TMCO5A: variants seen among roughly 807,000 people sequenced by gnomAD.
TMCO5A encodes transmembrane and coiled-coil domains 5A.
A neutral mutation model predicts 42.3 loss-of-function variants in TMCO5A; 34 were observed. That is an observed-to-expected ratio of 0.80 (90% CI 0.61 to 1.07). The LOEUF is 1.07. Among genes scored for constraint, TMCO5A ranks in the 50% least tolerant of loss-of-function variants. The probability of loss-of-function intolerance (pLI) is 0.00; values close to 1 mark genes in which losing one functional copy is unlikely to be tolerated. For synonymous variants in TMCO5A, 131 were observed against 115.6 expected (o/e 1.13, Z -0.86); for missense variants, 357 against 327.9 (o/e 1.09, Z -0.69).
Position 37,951,235 on chromosome 15 carries a change from T to G in TMCO5A, c.*1T>G. ...GACAGAGGACATGTTACCCCACTGA[T>G]TCCCTAAGAAATATCCTTGAGCAAT... On this transcript the variant is annotated 3_prime_UTR_variant, in exon 12 of 12. Transcript: ENST00000319669. The G allele has an allele frequency of 6.2e-7, 1 of 1,613,264 alleles. No individual in the cohort carries two copies. Among genetic ancestry groups the G allele is most frequent in the Non-Finnish European group, 8.5e-7 (1 of 1,179,570 alleles).
Position 37,942,254 on chromosome 15 carries a change from G to A in TMCO5A, c.568G>A (p.Val190Ile). ...ELEALFLEREVSKLVSMNPVE... is the reference protein window; with the variant it reads ...ELEALFLEREISKLVSMNPVE... ...AGAGGCTCTGTTCCTTGAGAGAGAA[G>A]TGTGAGCTTTGGCAAAGGAACATCC... Residue 190 changes from valine (V) to isoleucine (I), a missense_variant and splice_region_variant, in exon 9 of 12, where the codon GTA (valine) becomes ATA (isoleucine). By Grantham distance (29) the Val-to-Ile change is conservative (BLOSUM62 3). Transcript: ENST00000319669. 6.2e-7 allele frequency: 1 copy of A among 1,612,584 alleles called. No homozygotes were observed. The highest frequency in any genetic ancestry group is 8.5e-7 in the Non-Finnish European group (1 of 1,179,066).
At chr15:37,998,857 T>C in the TMCO5A span, among the ~76,000 whole-genome samples, 1 of 152,198 alleles carries the variant, frequency 6.6e-6, no homozygotes, top group Non-Finnish European at 1.5e-5. Flanking sequence ...TTTTGTTGTG[T>C]CCTCTTCAAT....
intron 6 of TMCO5A, among the ~76,000 whole-genome samples, chr15:37,939,123 G>A (rs1889639674): frequency 6.6e-6 from 1 of 151,908 alleles, no homozygotes; most frequent in Admixed American, 6.6e-5. Flanking sequence ...TGATTTTTTT[G>A]ACACCTTCTC....
the TMCO5A span, among the ~76,000 whole-genome samples, chr15:38,011,264 A>G: frequency 8.5e-5 from 13 of 152,258 alleles, no homozygotes; most frequent in East Asian, 2.3e-3. Context: ...GTGCTGCATA[A>G]TAGTAGACTG....
chr15:37,968,784 C>T (rs1465934238), downstream of TMCO5A, among the ~76,000 whole-genome samples: 4 of 151,872 alleles, frequency 2.6e-5, no homozygotes, highest in Non-Finnish European at 4.4e-5. Flanking sequence ...GGTTTCACCA[C>T]ATTGGCCAGG....
chr15:38,010,209 T>TAAA, the TMCO5A span, among the ~76,000 whole-genome samples: 3 of 149,908 alleles, frequency 2.0e-5, no homozygotes, highest in Non-Finnish European at 4.4e-5. Context: ...CCGTCTCTAC[T>TAAA]AAAAAAAATA....
chr15:37,967,133 T>G (rs1413688422), exon 12 of TMCO5A: 2 of 156,226 alleles, frequency 1.3e-5, no homozygotes, highest in Admixed American at 1.3e-4. Context: ...AGGGCTAAAG[T>G]AAGCAACAAT....
chr15:37,937,327 T>A lies in TMCO5A; in HGVS notation c.265-19T>A, dbSNP rs1889552392. 1 of 1,612,814 alleles carries A rather than the reference T, an allele frequency of 6.2e-7. No homozygotes were observed. On this transcript the variant is annotated intron_variant, in intron 4 of 11. Coordinates refer to ENST00000319669, the MANE Select transcript of TMCO5A (RefSeq NM_152453.4). ...ATGGAGTACAGAGGCAGATTTACAC[T>A]GTTATTTCTCTCTCACAGGAAAGGA...
At chr15:37,943,210 A>G in intron 9 of TMCO5A, 131 bp from the exon 10 acceptor site, 1 of 709,734 alleles carries the variant, frequency 1.4e-6, no homozygotes, top group Non-Finnish European at 2.2e-6. Context: ...TTAAATAGCT[A>G]TAGGTAGACA....
chr15:38,012,352 C>G, the TMCO5A span, among the ~76,000 whole-genome samples: 1 of 152,138 alleles, frequency 6.6e-6, no homozygotes, highest in African/African-American at 2.4e-5. Flanking sequence ...GTTTGACATT[C>G]ACACCACTCA....
At chr15:38,021,836 AGTCTCACCCT>A in the TMCO5A span, among the ~76,000 whole-genome samples, 13 of 141,482 alleles carry the variant, frequency 9.2e-5, no homozygotes, top group African/African-American at 3.4e-4. Context: ...TTTGAGATGG[AGTCTCACCCT>A]GTCACCAGGC....
downstream of TMCO5A, chr15:37,967,804 G>A (rs954547433): frequency 6.6e-6 from 1 of 152,180 alleles, no homozygotes; most frequent in Non-Finnish European, 1.5e-5. Context: ...TAGCTCTCAA[G>A]TCCAAGGGCA....
At chr15:37,977,275 AG>A in the TMCO5A span, among the ~76,000 whole-genome samples, 2 of 152,020 alleles carry the variant, frequency 1.3e-5, no homozygotes, top group Admixed American at 6.5e-5. Flanking sequence ...AGTTGTTTGG[AG>A]GTAAGAAGAC....
chr15:37,988,721 C>A, the TMCO5A span, among the ~76,000 whole-genome samples: 1 of 151,906 alleles, frequency 6.6e-6, no homozygotes, highest in African/African-American at 2.4e-5. Context: ...TGTATAATCT[C>A]TTTAATATGC....
the TMCO5A span, chr15:37,993,579 A>G: frequency 1.3e-5 from 2 of 152,266 alleles, no homozygotes; most frequent in East Asian, 1.9e-4. Context: ...CCAGATTACA[A>G]TGAAGGGATA....
chr15:37,986,768 T>G, the TMCO5A span, among the ~76,000 whole-genome samples: 1 of 152,042 alleles, frequency 6.6e-6, no homozygotes, highest in Admixed American at 6.6e-5. Context: ...TGTTGCAGCA[T>G]ACAAGATTCC....
chr15:37,984,675 ATT>A, the TMCO5A span: 1 of 101,234 alleles, frequency 9.9e-6, no homozygotes, highest in Non-Finnish European at 2.0e-5. Context: ...TGCAGAGAAC[ATT>A]TGTCTTTTTT....
the TMCO5A span, among the ~76,000 whole-genome samples, chr15:37,975,450 C>A: frequency 6.9e-6 from 1 of 145,002 alleles, no homozygotes; most frequent in African/African-American, 2.9e-5. Context: ...TTAGAAGAGT[C>A]AGATCTTCTT....
At chr15:37,974,140 A>C in the TMCO5A span, among the ~76,000 whole-genome samples, 24 of 151,916 alleles carry the variant, frequency 1.6e-4, no homozygotes, top group African/African-American at 5.3e-4. Context: ...TATTTTTTTG[A>C]TGTCTTGCTG....
Sources: allele counts gnomAD v4.1 joint callset (sites outside exome capture counted in the v4.1 genomes callset), GRCh38; gene constraint gnomAD v4.1.1; transcripts MANE v1.5; gene names NCBI Gene and HGNC (gene_info 2026-07-23, HGNC 2026-07-21).